The following SIL1 variants were observed in gnomAD, a reference collection of about 807,000 sequenced individuals.
SIL1 encodes nucleotide exchange factor SIL1.
A neutral mutation model predicts 49.1 loss-of-function variants in SIL1; 40 were observed. The observed-to-expected ratio is 0.81, with a 90% CI of 0.63 to 1.06. The LOEUF (loss-of-function observed/expected upper bound fraction) is 1.06, where lower values mean the gene tolerates loss of function less well. SIL1 is among the 50% of genes least tolerant of loss of function. The pLI is 0.00. For synonymous variants in SIL1, 253 were observed against 250.8 expected, an observed-to-expected ratio of 1.01 and a Z score of -0.08; for missense variants, 500 against 572.6, an observed-to-expected ratio of 0.87 and a Z score of 1.29.
intron 3 of SIL1, among the ~76,000 whole-genome samples, chr5:139,074,211 C>A (rs1427143704): frequency 6.6e-6 from 1 of 152,120 alleles, no homozygotes; most frequent in Non-Finnish European, 1.5e-5. Flanking sequence ...CATGCATCAC[C>A]ACACCCAGCT....
At position 138,947,419 on chromosome 5, in the gene SIL1, G is replaced by A. The variant is rs1220876490; in HGVS notation, c.1084C>T (p.Gln362Ter). The A allele has an allele frequency of 1.2e-6, 2 of 1,613,638 alleles. No homozygotes were observed. Among genetic ancestry groups the A allele is most frequent in the South Asian group, 2.2e-5 (2 of 91,080 alleles). ...LTQEMSPEKL[Q>*]QYRQVHLLPG... is the part of the protein sequence containing the mutation. ...AGGAGGTGTACCTGGCGATACTGCTGCAGCTTCTCTGGGGACATCTCCTGG... is the reference window on the plus strand; with the variant it reads ...AGGAGGTGTACCTGGCGATACTGCTACAGCTTCTCTGGGGACATCTCCTGG... Residue 362 changes from glutamine to a stop codon, truncating the protein, a stop_gained, in exon 10 of 10, where the codon CAG (glutamine) becomes TAG (stop). Coordinates refer to ENST00000394817, the MANE Select transcript of SIL1 (RefSeq NM_022464.5). LOFTEE classifies it high-confidence loss of function. This position sits in a 1 kb window ranked among gnomAD's most constrained non-coding sequence, Gnocchi z 4.1.
intron 3 of SIL1, among the ~76,000 whole-genome samples, chr5:139,108,708 A>G (rs1481858260): frequency 6.6e-6 from 1 of 152,200 alleles, no homozygotes; most frequent in African/African-American, 2.4e-5. Context: ...GGCTGGAAGA[A>G]TAGGCTGGGA....
intron 3 of SIL1, among the ~76,000 whole-genome samples, chr5:139,085,637 A>T (rs1394396543): frequency 1.3e-5 from 2 of 152,208 alleles, no homozygotes; most frequent in African/African-American, 4.8e-5. Flanking sequence ...GAGAATGCTG[A>T]TGTCATGATT....
intron 1 of SIL1, among the ~76,000 whole-genome samples, chr5:139,168,905 T>G (rs566577548): frequency 2.9e-4 from 44 of 149,656 alleles, no homozygotes; most frequent in African/African-American, 1.0e-3. Context: ...AAGGCTGTAG[T>G]GACTTGTGAT....
chr5:139,113,058 T>C lies in SIL1; in HGVS notation c.244+7977A>G, dbSNP rs370969745. 3.0e-4 allele frequency among the ~76,000 whole-genome samples: 45 copies of C among 152,212 alleles called. 1 individual carries two copies. The South Asian group carries it at 3.1e-3, about 11-fold the overall frequency. The stretch of plus-strand genomic sequence containing the variant: ...CACTCAGGGTTAAATGGATTAAGGG[T>C]GGTGCAAGATGTGCTTTGTTAAACA... On this transcript the variant is annotated intron_variant, in intron 3 of 9. Coordinates refer to ENST00000394817, the MANE Select transcript of SIL1 (RefSeq NM_022464.5).
At chr5:139,064,789 C>T (rs1769667163) in intron 3 of SIL1, among the ~76,000 whole-genome samples, 1 of 152,168 alleles carries the variant, frequency 6.6e-6, no homozygotes, top group Admixed American at 6.5e-5. Context: ...CCAGTTCCAC[C>T]ACTTAATAGC....
intron 6 of SIL1, among the ~76,000 whole-genome samples, chr5:139,024,381 C>A (rs1300451946): frequency 3.3e-5 from 5 of 152,072 alleles, no homozygotes; most frequent in South Asian, 2.1e-4. Context: ...GATCAGAGTC[C>A]TGCTATTTGA....
intron 3 of SIL1, among the ~76,000 whole-genome samples, chr5:139,068,223 T>C (rs1769749202): frequency 6.6e-6 from 1 of 152,048 alleles, no homozygotes; most frequent in South Asian, 2.1e-4. Flanking sequence ...CAAAACCAAG[T>C]GCAAAGGTAT....
At chr5:138,971,539 ATCT>A (rs1043789809) in intron 7 of SIL1, among the ~76,000 whole-genome samples, 115 of 152,266 alleles carry the variant, frequency 7.6e-4, no homozygotes, top group African/African-American at 2.7e-3. Flanking sequence ...ACTAACTTGA[ATCT>A]TCTTCTCAGA....
In SIL1 at chr5:139,078,377, T is replaced by TA. The variant is rs961137633; in HGVS notation, c.245-27332dup. ...TCTCATTCCAGGTTTCAAAGGAATTTAAAAAAAAAAGGGGAGGCCTTAATT... is the reference window on the plus strand; with the variant it reads ...TCTCATTCCAGGTTTCAAAGGAATTTAAAAAAAAAAAGGGGAGGCCTTAATT... On this transcript the variant is annotated intron_variant, in intron 3 of 9. Transcript: ENST00000394817. 6.4e-4 allele frequency among the ~76,000 whole-genome samples: 95 copies of TA among 148,372 alleles called. 1 individual carries two copies. The highest frequency in any genetic ancestry group is 3.5e-3 in the Middle Eastern group (1 of 288).
intron 7 of SIL1, among the ~76,000 whole-genome samples, chr5:138,982,534 C>T (rs1767550795): frequency 6.6e-6 from 1 of 152,186 alleles, no homozygotes; most frequent in African/African-American, 2.4e-5. Flanking sequence ...TCTTCCAAAA[C>T]AATCAGAGCA....
intron 3 of SIL1, among the ~76,000 whole-genome samples, chr5:139,081,438 C>T (rs1770076450): frequency 6.6e-6 from 1 of 152,108 alleles, no homozygotes; most frequent in South Asian, 2.1e-4. Flanking sequence ...AAATTTTAGA[C>T]AGGGCAGATA....
rs1476397936 is a variant in SIL1, at chr5:139,137,485, A to G, written c.-10-9632T>C. The G allele has an allele frequency of 5.5e-6, 3 of 545,804 alleles. No homozygotes were observed. The African/African-American group carries it at 5.8e-5, about 10-fold the overall frequency. 33.8% of individuals were successfully genotyped at this position (545,804 alleles called of 1,614,324 possible). ...ATCATTTTATTTGTTCTGCAACAGT[A>G]TAAATAAAAAGGCACATTTTGTGTC... On this transcript the variant is annotated intron_variant, in intron 1 of 9. Coordinates refer to ENST00000394817, the MANE Select transcript of SIL1 (RefSeq NM_022464.5).
intron 7 of SIL1, among the ~76,000 whole-genome samples, chr5:138,955,010 G>A (rs1283206056): frequency 6.6e-6 from 1 of 152,196 alleles, no homozygotes; most frequent in Non-Finnish European, 1.5e-5. Context: ...AGCTTTATTT[G>A]GCCTGGATGC....
At chr5:139,186,122 G>A (rs1178798504) in intron 1 of SIL1, among the ~76,000 whole-genome samples, 3 of 152,170 alleles carry the variant, frequency 2.0e-5, no homozygotes, top group Non-Finnish European at 4.4e-5. Flanking sequence ...CTGCCTCAGT[G>A]GAAGCTGAGC....
chr5:138,977,126 G>A lies in SIL1; in HGVS notation c.768-25242C>T, dbSNP rs1023218258. Among the ~76,000 whole-genome samples, 6 of 152,196 alleles carry A rather than the reference G, an allele frequency of 3.9e-5. No homozygotes were observed. The South Asian group carries it at 6.2e-4, about 16-fold the overall frequency. On this transcript the variant is annotated intron_variant, in intron 7 of 9. Transcript: ENST00000394817. The stretch of plus-strand genomic sequence containing the variant: ...ATTGCTCTACTCGTCTCAGGACCAG[G>A]TGCCATGGCCAAAGACAGCCCCAGC...
chr5:139,003,197 G>C (rs1368047216), intron 7 of SIL1, among the ~76,000 whole-genome samples: 1 of 152,100 alleles, frequency 6.6e-6, no homozygotes, highest in Non-Finnish European at 1.5e-5. Flanking sequence ...ACAAGCAGGA[G>C]ATGAGCTGAA....
intron 7 of SIL1, among the ~76,000 whole-genome samples, chr5:138,958,366 T>C (rs1045758187): frequency 1.3e-5 from 2 of 152,214 alleles, no homozygotes; most frequent in African/African-American, 2.4e-5. Context: ...AGTCTCACAA[T>C]TGGATGTTTT....
At chr5:139,153,904 C>A (rs1751356403) in intron 1 of SIL1, among the ~76,000 whole-genome samples, 1 of 152,206 alleles carries the variant, frequency 6.6e-6, no homozygotes, top group African/African-American at 2.4e-5. Context: ...CTCATTCTTA[C>A]AGACAGAAAT....
Sources: allele counts gnomAD v4.1 joint callset (sites outside exome capture counted in the v4.1 genomes callset), GRCh38; gene constraint gnomAD v4.1.1; non-coding constraint Gnocchi (gnomAD v3.1); transcripts MANE v1.5; gene names NCBI Gene and HGNC (gene_info 2026-07-23, HGNC 2026-07-21).